Variants in TRIO observed in about 807,000 individuals in gnomAD.
TRIO encodes the protein trio Rho guanine nucleotide exchange factor, also known as triple functional domain protein.
A neutral mutation model predicts 351.9 loss-of-function variants in TRIO; 58 were observed. That is an observed-to-expected ratio of 0.16 (90% confidence interval 0.13 to 0.21). TRIO has a LOEUF of 0.21. Among genes scored for constraint, TRIO ranks in the 10% least tolerant of loss-of-function variants. The pLI, the probability that TRIO is intolerant of heterozygous loss-of-function variation, is 1.00. For synonymous variants in TRIO, 1,758 were observed against 1,595.7 expected (o/e 1.10, Z -2.42); for missense variants, 3,201 against 4,027.8 (o/e 0.79, Z 5.56).
chr5:14,402,443 T>C (rs759319895), intron 31 of TRIO, among the ~76,000 whole-genome samples: 3 of 152,178 alleles, frequency 2.0e-5, no homozygotes, highest in Non-Finnish European at 4.4e-5. Context: ...AAGGAAACGA[T>C]GTTCTCATTA....
intron 34 of TRIO, among the ~76,000 whole-genome samples, chr5:14,440,365 G>A (rs1751927458): frequency 6.6e-6 from 1 of 152,186 alleles, no homozygotes; most frequent in African/African-American, 2.4e-5. Context: ...ACACACCACA[G>A]AAGCTGGAAG....
chr5:14,216,781 G>A (rs926952545), intron 1 of TRIO, among the ~76,000 whole-genome samples: 5 of 152,236 alleles, frequency 3.3e-5, no homozygotes, highest in South Asian at 2.1e-4. Flanking sequence ...CAAGGGTCCT[G>A]AACCTGGTCA....
At chr5:14,505,654 C>T (rs1051718379) in intron 55 of TRIO, among the ~76,000 whole-genome samples, 1 of 152,094 alleles carries the variant, frequency 6.6e-6, no homozygotes, top group Non-Finnish European at 1.5e-5. Flanking sequence ...CTCCCCATAC[C>T]CTTCCTAGGG....
intron 5 of TRIO, among the ~76,000 whole-genome samples, chr5:14,291,542 C>G (rs188554831): frequency 6.6e-6 from 1 of 151,586 alleles, no homozygotes; most frequent in Admixed American, 6.6e-5. Context: ...TAATCCCAGC[C>G]CTTTGGGAGG....
chr5:14,315,938 G>A (rs1224227380), intron 8 of TRIO, among the ~76,000 whole-genome samples: 1 of 152,104 alleles, frequency 6.6e-6, no homozygotes, highest in East Asian at 1.9e-4. Context: ...CAAATAGAAT[G>A]GCATTTTAAA....
chr5:14,364,688 A>G lies in TRIO; in HGVS notation c.2626A>G (p.Thr876Ala), dbSNP rs773226590. Residue 876 changes from threonine to alanine, a missense_variant, in exon 15 of 57, where the codon ACT becomes GCT. Around this residue, in one of 19 missense-constraint regions of TRIO, gnomAD observed 363 missense variants for 553.5 expected, o/e 0.66. Transcript: ENST00000344204. The stretch of plus-strand genomic sequence containing the variant: ...GTGTGATAGAGATGTAGACATGGCA[A>G]CTCGGGTCCAGGACCTGCTGGAGTT... ...LLCDRDVDMATRVQDLLEFLH... is the reference protein window; with the variant it reads ...LLCDRDVDMAARVQDLLEFLH... The G allele has an allele frequency of 6.2e-7, 1 of 1,613,778 alleles. No homozygotes were observed. The highest frequency in any genetic ancestry group is 8.5e-7 in the Non-Finnish European group (1 of 1,180,022).
At chr5:14,232,800 A>G (rs1030722777) in intron 1 of TRIO, among the ~76,000 whole-genome samples, 2 of 152,240 alleles carry the variant, frequency 1.3e-5, no homozygotes, top group African/African-American at 2.4e-5. Context: ...GTAAAAATAC[A>G]TGATATTGGC....
chr5:14,471,292 T>A, intron 37 of TRIO, 26 bp from the exon 38 acceptor site: 1 of 1,612,012 alleles, frequency 6.2e-7, no homozygotes, highest in Non-Finnish European at 8.5e-7. Context: ...GCAGTAAGTG[T>A]TGTTGATTAT....
intron 1 of TRIO, among the ~76,000 whole-genome samples, chr5:14,230,462 A>G (rs2152220863): frequency 6.6e-6 from 1 of 152,070 alleles, no homozygotes; most frequent in South Asian, 2.1e-4. Flanking sequence ...TCCAAATATA[A>G]AATGAAACAA....
At chr5:14,344,903 T>C (rs546802197) in intron 11 of TRIO, among the ~76,000 whole-genome samples, 3 of 152,336 alleles carry the variant, frequency 2.0e-5, no homozygotes, top group Admixed American at 6.5e-5. Context: ...TCCCTTCATA[T>C]TGGCAAAAAT....
At chr5:14,156,724 C>A (rs1459617848) in intron 1 of TRIO, among the ~76,000 whole-genome samples, 1 of 152,174 alleles carries the variant, frequency 6.6e-6, no homozygotes, top group Non-Finnish European at 1.5e-5. Flanking sequence ...AACCTCCACC[C>A]CCAAGTTTAA....
intron 34 of TRIO, among the ~76,000 whole-genome samples, chr5:14,427,684 G>A (rs1300956106): frequency 2.6e-5 from 4 of 152,148 alleles, no homozygotes; most frequent in Non-Finnish European, 5.9e-5. Flanking sequence ...GGGCAGTCAC[G>A]TCAGGATGGA....
At chr5:14,436,490 A>T (rs192382882) in intron 34 of TRIO, among the ~76,000 whole-genome samples, 1 of 152,120 alleles carries the variant, frequency 6.6e-6, no homozygotes, top group Non-Finnish European at 1.5e-5. Flanking sequence ...TTCAAAAGCA[A>T]TCATACTTTC....
At chr5:14,477,599 T>A (rs32530) in intron 41 of TRIO, among the ~76,000 whole-genome samples, 2 of 152,132 alleles carry the variant, frequency 1.3e-5, no homozygotes, top group African/African-American at 4.8e-5. Flanking sequence ...TCTTAGACAC[T>A]ATACCAAAAA....
intron 16 of TRIO, 76 bp downstream of exon 16, chr5:14,367,055 A>T: frequency 6.3e-7 from 1 of 1,585,068 alleles, no homozygotes; most frequent in Non-Finnish European, 8.6e-7. Flanking sequence ...CCAACATGGC[A>T]CTGACCATGG....
At chr5:14,203,024 G>A (rs1257247926) in intron 1 of TRIO, among the ~76,000 whole-genome samples, 1 of 151,984 alleles carries the variant, frequency 6.6e-6, no homozygotes, top group African/African-American at 2.4e-5. Context: ...TATCGTTTGA[G>A]CCATGATAAG....
rs76093594 is a variant in TRIO at position 14,278,473 on chromosome 5, C to T, written c.233-1849C>T. On this transcript the variant is annotated intron_variant, in intron 2 of 56. Coordinates refer to ENST00000344204, the MANE Select transcript of TRIO (RefSeq NM_007118.4). ...CATTTTAAAAATTCAGAACTGTGGT[C>T]GAGAAAAAATGTTAGATGCTGGCTT... 5.4e-3 allele frequency among the ~76,000 whole-genome samples: 817 copies of T among 152,050 alleles called. 8 individuals are homozygous for T. The highest frequency in any genetic ancestry group is 0.018 in the African/African-American group (766 of 41,466).
chr5:14,496,746 C>G (rs2126676495), intron 49 of TRIO, 133 bp from the exon 50 acceptor site: 1 of 1,169,750 alleles, frequency 8.5e-7, no homozygotes, highest in South Asian at 2.0e-5. Context: ...TAACAGAGGT[C>G]ACAGTTCGTA....
At chr5:14,191,455 G>A (rs570669834) in intron 1 of TRIO, among the ~76,000 whole-genome samples, 12 of 151,208 alleles carry the variant, frequency 7.9e-5, no homozygotes, top group Admixed American at 1.3e-4. Flanking sequence ...TTAGCTGGCC[G>A]TGGTGGCACA....
Sources: gnomAD v4.1 joint callset for allele counts (sites outside exome capture counted in the v4.1 genomes callset) on GRCh38, gnomAD v4.1.1 for gene constraint, gnomAD v4.1.1 regional missense constraint, MANE v1.5 for transcripts, NCBI Gene and HGNC (gene_info 2026-07-23, HGNC 2026-07-21) for gene names.